Variants in ZRANB3 observed in about 807,000 individuals in gnomAD.
ZRANB3 encodes DNA annealing helicase and endonuclease ZRANB3.
ZRANB3 carries 125 observed loss-of-function variants against 133.8 expected under a neutral mutation model. That is an observed-to-expected ratio of 0.93 (90% CI 0.81 to 1.08). The LOEUF (loss-of-function observed/expected upper bound fraction) is 1.08. ZRANB3 is among the 50% of genes least tolerant of loss of function. The probability of loss-of-function intolerance (pLI) is 0.00; values close to 1 mark genes in which losing one functional copy is unlikely to be tolerated. For synonymous variants in ZRANB3, 387 were observed against 432.7 expected (o/e 0.89, Z 1.31); for missense variants, 1,229 against 1,275.5 (o/e 0.96, Z 0.56).
At chr2:135,358,349 C>T (rs936597411) in intron 3 of ZRANB3, among the ~76,000 whole-genome samples, 4 of 152,054 alleles carry the variant, frequency 2.6e-5, no homozygotes. Flanking sequence ...GGGAAGTAGA[C>T]AGAATAGTCT....
At chr2:135,488,689 T>C (rs903032429) in intron 2 of ZRANB3, among the ~76,000 whole-genome samples, 1 of 150,682 alleles carries the variant, frequency 6.6e-6, no homozygotes. Context: ...AAGCACAATA[T>C]ATACAAAGCA....
intron 2 of ZRANB3, among the ~76,000 whole-genome samples, chr2:135,485,037 G>T (rs545307453): frequency 1.5e-4 from 22 of 151,660 alleles, no homozygotes; most frequent in African/African-American, 5.1e-4. Context: ...CTGTCTCAAA[G>T]AAATATGAAT....
At chr2:135,295,442 C>T (rs1480852534) in intron 8 of ZRANB3, among the ~76,000 whole-genome samples, 1 of 152,120 alleles carries the variant, frequency 6.6e-6, no homozygotes, top group East Asian at 1.9e-4. Flanking sequence ...AGATCTTCCT[C>T]CATCCTTTTA....
At chr2:135,368,640 T>G (rs1686038839) in intron 3 of ZRANB3, among the ~76,000 whole-genome samples, 1 of 151,992 alleles carries the variant, frequency 6.6e-6, no homozygotes, top group East Asian at 1.9e-4. Flanking sequence ...CGAGTATAAT[T>G]GGATTGTTGC....
At chr2:135,360,814 T>G (rs1685659270) in intron 3 of ZRANB3, among the ~76,000 whole-genome samples, 2 of 152,352 alleles carry the variant, frequency 1.3e-5, no homozygotes, top group African/African-American at 2.4e-5. Flanking sequence ...CAGGTTGGAG[T>G]GCTGTGGCCT....
chr2:135,448,927 C>T (rs772165857), intron 2 of ZRANB3, among the ~76,000 whole-genome samples: 61 of 152,224 alleles, frequency 4.0e-4, no homozygotes, highest in Non-Finnish European at 7.2e-4. Context: ...TGACCCTCAT[C>T]CTACTAAGAG....
intron 2 of ZRANB3, among the ~76,000 whole-genome samples, chr2:135,445,692 A>G (rs1689989238): frequency 6.7e-6 from 1 of 150,132 alleles, no homozygotes; most frequent in Admixed American, 6.7e-5. Flanking sequence ...CCTGGCCAAG[A>G]TGGTGAAACC....
chr2:135,481,514 AG>A, intron 2 of ZRANB3, among the ~76,000 whole-genome samples: 1 of 152,268 alleles, frequency 6.6e-6, no homozygotes, highest in South Asian at 2.1e-4. Flanking sequence ...TCTGTATATT[AG>A]CCCTTTGTCA....
chr2:135,509,364 T>A (rs16831764), intron 1 of ZRANB3, among the ~76,000 whole-genome samples: 1 of 152,136 alleles, frequency 6.6e-6, no homozygotes, highest in African/African-American at 2.4e-5. Flanking sequence ...AATTTTAGAA[T>A]AAGGTATAAC....
intron 2 of ZRANB3, among the ~76,000 whole-genome samples, chr2:135,400,554 C>T (rs538760099): frequency 1.3e-4 from 20 of 152,284 alleles, no homozygotes; most frequent in African/African-American, 4.6e-4. Context: ...ATCTGTCCAC[C>T]TTGGCTTCAT....
chr2:135,313,100 G>A (rs1301643787), intron 8 of ZRANB3, among the ~76,000 whole-genome samples: 4 of 150,882 alleles, frequency 2.7e-5, no homozygotes, highest in South Asian at 2.1e-4. Context: ...GTATCCTCCC[G>A]CATCAAAATA....
chr2:135,279,683 C>T (rs1320835980), intron 8 of ZRANB3, among the ~76,000 whole-genome samples: 1 of 152,162 alleles, frequency 6.6e-6, no homozygotes, highest in African/African-American at 2.4e-5. Flanking sequence ...TCACCTGCTT[C>T]CATCACAACC....
chr2:135,335,694 A>G (rs1684338061), intron 6 of ZRANB3, among the ~76,000 whole-genome samples: 1 of 151,376 alleles, frequency 6.6e-6, no homozygotes. Flanking sequence ...CTCTGTCTCA[A>G]ACAAAACAAA....
chr2:135,266,661 AGGCTGAG>A (rs1036407770), intron 11 of ZRANB3, among the ~76,000 whole-genome samples: 3 of 151,958 alleles, frequency 2.0e-5, no homozygotes, highest in Non-Finnish European at 4.4e-5. Flanking sequence ...GCTACTCAGG[AGGCTGAG>A]GCAGGAGAAT....
intron 2 of ZRANB3, among the ~76,000 whole-genome samples, chr2:135,414,655 T>A (rs1438896034): frequency 6.6e-6 from 1 of 152,128 alleles, no homozygotes; most frequent in Non-Finnish European, 1.5e-5. Context: ...ATATACATTT[T>A]TTTCAGCACC....
intron 8 of ZRANB3, among the ~76,000 whole-genome samples, chr2:135,295,633 G>A (rs1259757293): frequency 6.6e-6 from 1 of 152,126 alleles, no homozygotes. Context: ...ATGTTAGCTG[G>A]TTATTTTGCT....
chr2:135,333,792 G>C (rs900385904), intron 6 of ZRANB3, among the ~76,000 whole-genome samples: 1 of 152,120 alleles, frequency 6.6e-6, no homozygotes, highest in Non-Finnish European at 1.5e-5. Context: ...ATTTAAAAAT[G>C]TTTAAATGGT....
At chr2:135,431,121 A>C (rs962881044) in intron 2 of ZRANB3, among the ~76,000 whole-genome samples, 1 of 150,782 alleles carries the variant, frequency 6.6e-6, no homozygotes, top group Non-Finnish European at 1.5e-5. Flanking sequence ...AAAAAAAAAA[A>C]AATAAATAAA....
At chr2:135,522,186 A>G (rs191309143) in intron 1 of ZRANB3, among the ~76,000 whole-genome samples, 4,837 of 152,302 alleles carry the variant, frequency 0.032, 248 homozygotes, top group African/African-American at 0.11. Context: ...GGAAATTCAC[A>G]GAAACCGCCA....
Sources: allele counts gnomAD v4.1 joint callset (sites outside exome capture counted in the v4.1 genomes callset), GRCh38; gene constraint gnomAD v4.1.1; transcripts MANE v1.5; gene names NCBI Gene and HGNC (gene_info 2026-07-23, HGNC 2026-07-21).